Variants in NFATC1 observed in about 807,000 individuals in gnomAD.
The protein encoded by NFATC1 is nuclear factor of activated T-cells, cytoplasmic 1.
A neutral mutation model predicts 76.0 loss-of-function variants in NFATC1; 22 were observed. The observed-to-expected ratio is 0.29, with a 90% CI of 0.21 to 0.41. NFATC1 has a LOEUF of 0.41. Among genes scored for constraint, NFATC1 ranks in the 10% least tolerant of loss-of-function variants. NFATC1 has a pLI of 1.00. For synonymous variants in NFATC1, 704 were observed against 613.1 expected (o/e 1.15, Z -2.19); for missense variants, 1,357 against 1,337.7 (o/e 1.01, Z -0.23).
chr18:79,444,558 G>A (rs373501323), intron 3 of NFATC1, among the ~76,000 whole-genome samples: 2 of 152,332 alleles, frequency 1.3e-5, no homozygotes, highest in South Asian at 2.1e-4. Context: ...AGGGCAGGGC[G>A]TCCGGCAGAT....
At chr18:79,462,869 C>T (rs1258757910) in intron 7 of NFATC1, among the ~76,000 whole-genome samples, 1 of 144,220 alleles carries the variant, frequency 6.9e-6, no homozygotes, top group Non-Finnish European at 1.5e-5. Flanking sequence ...CAGTTGGAAG[C>T]TGGTCCCTTC....
rs370098884 is a variant in NFATC1, at chr18:79,411,391, C to G, written c.1116C>G (p.Ser372=). The change falls in exon 2 of 10, where the codon TCC becomes TCG. Residue 372 remains serine, a synonymous_variant. Transcript: ENST00000427363. The part of the protein sequence containing the change: ...PPADFAPEDY[S]SFQHIRKGGF... ...CCGACTTCGCGCCCGAAGACTACTC[C>G]TCTTTCCAGCACATCAGGAAGGGCG... The G allele has an allele frequency of 3.2e-6, 5 of 1,577,986 alleles. No individual in the cohort carries two copies. Among genetic ancestry groups the G allele is most frequent in the African/African-American group, 1.4e-5 (1 of 73,812 alleles).
intron 6 of NFATC1, among the ~76,000 whole-genome samples, chr18:79,459,152 C>G (rs2087914827): frequency 6.6e-6 from 1 of 152,244 alleles, no homozygotes; most frequent in African/African-American, 2.4e-5. Flanking sequence ...TCTGCTCCCA[C>G]CTGCGCAGGA....
At chr18:79,416,041 G>A (rs945722744) in intron 2 of NFATC1, among the ~76,000 whole-genome samples, 9 of 152,242 alleles carry the variant, frequency 5.9e-5, no homozygotes, top group African/African-American at 1.9e-4. Flanking sequence ...CAGCCTGGGC[G>A]AGAGGAGCGA....
intron 3 of NFATC1, among the ~76,000 whole-genome samples, chr18:79,438,934 G>A (rs78250476): frequency 0.1 from 15,824 of 152,256 alleles, 1,099 homozygotes; most frequent in Non-Finnish European, 0.15. Context: ...TAAGAAACTT[G>A]ACAGCTGAAG....
chr18:79,404,697 G>T (rs1031746614), intron 1 of NFATC1, among the ~76,000 whole-genome samples: 4 of 152,220 alleles, frequency 2.6e-5, no homozygotes, highest in Non-Finnish European at 5.9e-5. Context: ...ATCTGGCTGT[G>T]GCTGGAGTTG....
At chr18:79,494,951 G>A (rs113864179) in intron 9 of NFATC1, among the ~76,000 whole-genome samples, 1 of 112,808 alleles carries the variant, frequency 8.9e-6, no homozygotes, top group Non-Finnish European at 1.9e-5. Flanking sequence ...AACCTGGTAC[G>A]GCCGGGGGAA....
At chr18:79,521,422 A>G (rs1268643866) in intron 9 of NFATC1, among the ~76,000 whole-genome samples, 9 of 71,558 alleles carry the variant, frequency 1.3e-4, no homozygotes, top group Admixed American at 1.8e-4. Context: ...GGGGGCATCC[A>G]CTGATGTGTG....
rs144418737 is a variant in NFATC1 at position 79,481,449 on chromosome 18, C to T, written c.2093-4799C>T. Among the ~76,000 whole-genome samples the T allele has an allele frequency of 5.8e-4, 89 of 152,328 alleles. No homozygotes were observed. The East Asian group carries it at 0.014, about 24-fold the overall frequency. Reference sequence around the variant, plus strand: ...ATGTAAAACGAGGCGGGTAGGGTTTCCCAATCAACATGAGGGCGCCGTGTC... The same window carrying T: ...ATGTAAAACGAGGCGGGTAGGGTTTTCCAATCAACATGAGGGCGCCGTGTC... On this transcript the variant is annotated intron_variant, in intron 8 of 9. Coordinates refer to ENST00000427363, the MANE Select transcript of NFATC1 (RefSeq NM_001278669.2).
intron 1 of NFATC1, among the ~76,000 whole-genome samples, chr18:79,409,192 G>A (rs111164323): frequency 0.021 from 843 of 39,420 alleles, 76 homozygotes; most frequent in Middle Eastern, 0.17. Flanking sequence ...TCAAACCATT[G>A]TTCCTCCATT....
chr18:79,503,346 C>T (rs753332513), intron 9 of NFATC1, among the ~76,000 whole-genome samples: 2 of 152,194 alleles, frequency 1.3e-5, no homozygotes, highest in Non-Finnish European at 2.9e-5. Context: ...ATAAAAGTGA[C>T]GCTCACACTG....
At chr18:79,472,152 G>C (rs367703621) in intron 8 of NFATC1, among the ~76,000 whole-genome samples, 11 of 152,198 alleles carry the variant, frequency 7.2e-5, no homozygotes, top group East Asian at 3.9e-4. Flanking sequence ...TGTGAGCCGT[G>C]GGGGGGCGGG....
At chr18:79,474,723 C>T (rs1405758536) in intron 8 of NFATC1, among the ~76,000 whole-genome samples, 2 of 148,766 alleles carry the variant, frequency 1.3e-5, no homozygotes, top group South Asian at 2.1e-4. Context: ...TGTTCTCACG[C>T]TCACTGTCGA....
chr18:79,468,506 C>A (rs953449862), intron 8 of NFATC1: 3 of 152,170 alleles, frequency 2.0e-5, no homozygotes, highest in Admixed American at 6.5e-5. Flanking sequence ...TTTCTAAAAA[C>A]TGCAGAGATT....
intron 3 of NFATC1, among the ~76,000 whole-genome samples, chr18:79,443,657 C>G (rs114875038): frequency 0.016 from 2,404 of 152,354 alleles, 62 homozygotes; most frequent in African/African-American, 0.054. Context: ...GCCTCTGCCT[C>G]GGTTCCTGCC....
intron 3 of NFATC1, among the ~76,000 whole-genome samples, chr18:79,435,236 T>C (rs913119551): frequency 4.6e-5 from 7 of 152,086 alleles, no homozygotes; most frequent in African/African-American, 1.7e-4. Context: ...CCCTTTTCAC[T>C]GTATCTGGAT....
At chr18:79,467,706 C>T (rs1293000395) in intron 8 of NFATC1, 124 bp downstream of exon 8, 14 of 1,418,472 alleles carry the variant, frequency 9.9e-6, no homozygotes, top group African/African-American at 1.5e-5. Context: ...TGTGATGTCC[C>T]GTTAGTGAGA....
chr18:79,419,324 C>G (rs932452820), intron 2 of NFATC1, among the ~76,000 whole-genome samples: 4 of 152,202 alleles, frequency 2.6e-5, no homozygotes, highest in African/African-American at 9.7e-5. Flanking sequence ...GTTTTACAGT[C>G]AGATCATGGA....
intron 8 of NFATC1, among the ~76,000 whole-genome samples, chr18:79,476,925 C>T (rs895454222): frequency 5.9e-5 from 9 of 152,216 alleles, no homozygotes; most frequent in African/African-American, 1.9e-4. Context: ...GCAGAAACTC[C>T]AGTGAAGAGT....
Sources: allele counts gnomAD v4.1 joint callset (sites outside exome capture counted in the v4.1 genomes callset), GRCh38; gene constraint gnomAD v4.1.1; transcripts MANE v1.5; gene names NCBI Gene and HGNC (gene_info 2026-07-23, HGNC 2026-07-21).